The following INSC variants were observed in gnomAD, a reference collection of about 807,000 sequenced individuals.
INSC encodes protein inscuteable homolog.
INSC carries 67 observed loss-of-function variants against 58.6 expected under a neutral mutation model. The ratio of observed to expected loss-of-function variants is 1.14; its 90% CI spans 0.94 to 1.40. The LOEUF (loss-of-function observed/expected upper bound fraction) is 1.40. Among genes scored for constraint, INSC ranks in the 40% most tolerant of loss-of-function variants. INSC has a pLI of 0.00. For missense variants in INSC, 714 were observed against 692.0 expected (o/e 1.03, Z -0.36); for synonymous variants, 262 against 276.1 (o/e 0.95, Z 0.51).
At chr11:15,265,541 T>C in the INSC span, among the ~76,000 whole-genome samples, 1 of 151,844 alleles carries the variant, frequency 6.6e-6, no homozygotes, top group Non-Finnish European at 1.5e-5. Flanking sequence ...TTTTAATTCG[T>C]GTTTCAATTA....
intron 1 of INSC, among the ~76,000 whole-genome samples, chr11:15,140,736 G>A (rs1590351394): frequency 6.6e-6 from 1 of 152,070 alleles, no homozygotes; most frequent in African/African-American, 2.4e-5. Flanking sequence ...GTACCACCAT[G>A]CCCCATCTAA....
intron 7 of INSC, among the ~76,000 whole-genome samples, chr11:15,203,295 C>T (rs1850667368): frequency 1.3e-5 from 2 of 152,172 alleles, no homozygotes; most frequent in Admixed American, 1.3e-4. Context: ...GCTAACCCCT[C>T]ACATCCCCAG....
At chr11:15,205,578 G>T (rs1229256623) in intron 7 of INSC, among the ~76,000 whole-genome samples, 1 of 152,200 alleles carries the variant, frequency 6.6e-6, no homozygotes, top group Non-Finnish European at 1.5e-5. Flanking sequence ...TGAATGGAAG[G>T]TTAGGGTCTG....
chr11:15,127,540 G>A (rs908072272), intron 1 of INSC, among the ~76,000 whole-genome samples: 1 of 152,202 alleles, frequency 6.6e-6, no homozygotes, highest in African/African-American at 2.4e-5. Flanking sequence ...ATCCTGTCCT[G>A]TTTGTCTTGT....
At chr11:15,199,038 C>G (rs1045392881) in intron 6 of INSC, among the ~76,000 whole-genome samples, 4 of 152,128 alleles carry the variant, frequency 2.6e-5, no homozygotes, top group African/African-American at 9.7e-5. Context: ...TTCTTTTAAC[C>G]CTGCACCCCC....
intron 2 of INSC, among the ~76,000 whole-genome samples, chr11:15,161,325 A>G (rs957906784): frequency 1.3e-5 from 2 of 152,250 alleles, no homozygotes; most frequent in South Asian, 4.1e-4. Flanking sequence ...TTTGATTAAC[A>G]AAAAATGATA....
At chr11:15,267,364 A>G in the INSC span, among the ~76,000 whole-genome samples, 1 of 151,980 alleles carries the variant, frequency 6.6e-6, no homozygotes, top group African/African-American at 2.4e-5. Context: ...AAGGACTCCA[A>G]TTACATGCCT....
chr11:15,229,975 TATA>T (rs1564917219), intron 9 of INSC, among the ~76,000 whole-genome samples: 2,086 of 14,020 alleles, frequency 0.15, 346 homozygotes, highest in African/African-American at 0.37. Context: ...TATATATATA[TATA>T]TTATATATAT....
chr11:15,177,207 T>C (rs376927524), intron 4 of INSC, 44 bp downstream of exon 4: 15 of 1,521,170 alleles, frequency 9.9e-6, no homozygotes, highest in Non-Finnish European at 1.4e-5. Context: ...CCACCCGACC[T>C]CTGGCAGGAG....
chr11:15,262,563 T>C, the INSC span, among the ~76,000 whole-genome samples: 1 of 151,936 alleles, frequency 6.6e-6, no homozygotes, highest in South Asian at 2.1e-4. Flanking sequence ...CTGCAGGTCT[T>C]GATTCTTGGC....
chr11:15,258,410 C>G, the INSC span, among the ~76,000 whole-genome samples: 1 of 152,190 alleles, frequency 6.6e-6, no homozygotes, highest in Admixed American at 6.5e-5. Context: ...ACTTTATTCA[C>G]TTGTCTCATC....
intron 9 of INSC, among the ~76,000 whole-genome samples, chr11:15,229,996 TATATATATATATATATAATATATA>T (rs1851839658): frequency 3.8e-5 from 1 of 26,644 alleles, no homozygotes; most frequent in Non-Finnish European, 6.0e-5. Context: ...TATATATATA[TATATATATATATATATAATATATA>T]TATATATATA....
At chr11:15,161,354 G>T (rs1195864501) in intron 2 of INSC, among the ~76,000 whole-genome samples, 2 of 152,204 alleles carry the variant, frequency 1.3e-5, no homozygotes, top group Non-Finnish European at 2.9e-5. Context: ...GTCAGAAAAT[G>T]ATATGGAACA....
intron 7 of INSC, among the ~76,000 whole-genome samples, chr11:15,210,778 A>G (rs183251640): frequency 3.3e-5 from 5 of 152,158 alleles, no homozygotes; most frequent in African/African-American, 1.2e-4. Context: ...GAGTGGGGCA[A>G]GTGCTAGTTT....
intron 11 of INSC, 119 bp from the exon 12 acceptor site, chr11:15,240,328 C>T (rs1396546145): frequency 1.3e-5 from 10 of 799,680 alleles, no homozygotes; most frequent in Non-Finnish European, 1.9e-5. Context: ...ACAGACTCCC[C>T]GAGGTGGGTT....
the INSC span, among the ~76,000 whole-genome samples, chr11:15,256,950 A>G: frequency 7.9e-5 from 12 of 152,334 alleles, no homozygotes; most frequent in African/African-American, 2.2e-4. Context: ...AGCTTGGGAC[A>G]TTCAACTGTC....
chr11:15,148,136 A>G (rs77331982), intron 1 of INSC, among the ~76,000 whole-genome samples: 1,952 of 152,344 alleles, frequency 0.013, 21 homozygotes, highest in South Asian at 0.031. Flanking sequence ...CAGGGAAGCC[A>G]GTTGCATCCT....
the INSC span, among the ~76,000 whole-genome samples, chr11:15,255,578 T>C: frequency 6.6e-6 from 1 of 152,204 alleles, no homozygotes; most frequent in Non-Finnish European, 1.5e-5. Context: ...TGTTAGATAT[T>C]TCTGATGGTT....
intron 1 of INSC, among the ~76,000 whole-genome samples, chr11:15,138,912 T>C (rs148739632): frequency 1.3e-5 from 2 of 152,280 alleles, no homozygotes; most frequent in African/African-American, 4.8e-5. Flanking sequence ...TTTCGAGACC[T>C]CACCAGGCTA....
Sources: gnomAD v4.1 joint callset for allele counts (sites outside exome capture counted in the v4.1 genomes callset) on GRCh38, gnomAD v4.1.1 for gene constraint, MANE v1.5 for transcripts, NCBI Gene and HGNC (gene_info 2026-07-23, HGNC 2026-07-21) for gene names.